ZMYM4: variants seen among roughly 807,000 people sequenced by gnomAD.
The protein encoded by ZMYM4 is zinc finger MYM-type containing 4.
Under a neutral mutation model 183.2 loss-of-function variants are expected in ZMYM4, and 31 were observed. The ratio of observed to expected loss-of-function variants is 0.17; its 90% CI spans 0.13 to 0.23. The LOEUF (loss-of-function observed/expected upper bound fraction) is 0.23, where lower values mean the gene tolerates loss of function less well. Ranked by LOEUF, ZMYM4 falls within the 10% of genes least tolerant of loss-of-function variation. The pLI is 1.00. For synonymous variants in ZMYM4, 592 were observed against 631.2 expected, an observed-to-expected ratio of 0.94 and a Z score of 0.93; for missense variants, 1,273 against 1,840.3, an observed-to-expected ratio of 0.69 and a Z score of 5.64.
intron 2 of ZMYM4, 113 bp from the exon 3 acceptor site, chr1:35,358,812 A>G (rs1167736707): frequency 1.2e-6 from 1 of 830,308 alleles, no homozygotes. Context: ...ATACTATGGT[A>G]ATATCTGTAT....
chr1:35,325,131 G>A (rs1197817260), intron 1 of ZMYM4, among the ~76,000 whole-genome samples: 1 of 152,048 alleles, frequency 6.6e-6, no homozygotes, highest in Non-Finnish European at 1.5e-5. Flanking sequence ...TGTTTATAGT[G>A]AGAGGATGTG....
intron 2 of ZMYM4, among the ~76,000 whole-genome samples, chr1:35,327,615 T>G (rs1274007681): frequency 6.6e-6 from 1 of 152,202 alleles, no homozygotes; most frequent in Non-Finnish European, 1.5e-5. Flanking sequence ...GATTTAGTTA[T>G]TGTGTGTCTT....
intron 15 of ZMYM4, among the ~76,000 whole-genome samples, chr1:35,390,947 G>A (rs1254516945): frequency 6.6e-6 from 1 of 152,164 alleles, no homozygotes; most frequent in African/African-American, 2.4e-5. Flanking sequence ...GTGGGAGGAC[G>A]GCTTGAGGCC....
intron 1 of ZMYM4, among the ~76,000 whole-genome samples, chr1:35,314,390 T>C (rs1452405621): frequency 6.6e-6 from 1 of 151,992 alleles, no homozygotes; most frequent in African/African-American, 2.4e-5. Context: ...GTTCCAGCGA[T>C]TCTCCTGCCT....
intron 13 of ZMYM4, 118 bp downstream of exon 13, chr1:35,387,722 T>TGAATCGAAAAG: frequency 1.9e-6 from 2 of 1,076,624 alleles, no homozygotes; most frequent in Non-Finnish European, 2.6e-6. Context: ...ATAACGTAAA[T>TGAATCGAAAAG]GCCTTTTCGA....
chr1:35,357,491 T>G lies in ZMYM4; in HGVS notation c.86-1434T>G, dbSNP rs144362054. ...GGTATGGTTGCTTCCTGAGTATCCATGTGGACTGAATTAGTATACCTTTGA... is the reference window on the plus strand; with the variant it reads ...GGTATGGTTGCTTCCTGAGTATCCAGGTGGACTGAATTAGTATACCTTTGA... On this transcript the variant is annotated intron_variant, in intron 2 of 29. Transcript: ENST00000314607. 2.7e-3 allele frequency among the ~76,000 whole-genome samples: 413 copies of G among 152,346 alleles called. 1 individual carries two copies. The highest frequency in any genetic ancestry group is 4.6e-3 in the Non-Finnish European group (312 of 68,032).
intron 1 of ZMYM4, among the ~76,000 whole-genome samples, chr1:35,287,584 ATTTAT>A (rs1352897848): frequency 2.0e-5 from 3 of 151,050 alleles, no homozygotes; most frequent in African/African-American, 4.9e-5. Context: ...TATTTTTCCT[ATTTAT>A]TTTATTTTTA....
chr1:35,363,566 C>T (rs1004031389), intron 5 of ZMYM4, among the ~76,000 whole-genome samples: 2 of 152,088 alleles, frequency 1.3e-5, no homozygotes, highest in Admixed American at 1.3e-4. Flanking sequence ...AATTGATGCT[C>T]AGTTAGCATG....
At chr1:35,269,681 C>T (rs891625263) in intron 1 of ZMYM4, among the ~76,000 whole-genome samples, 2 of 152,162 alleles carry the variant, frequency 1.3e-5, no homozygotes, top group African/African-American at 2.4e-5. Context: ...TCTAGCCTAG[C>T]CTCTTACTCG....
intron 2 of ZMYM4, among the ~76,000 whole-genome samples, chr1:35,347,797 C>T (rs1643454180): frequency 6.6e-6 from 1 of 152,124 alleles, no homozygotes; most frequent in South Asian, 2.1e-4. Flanking sequence ...TATTGTGCTT[C>T]TGCAATTATT....
At chr1:35,384,265 G>A (rs559821970) in intron 9 of ZMYM4, among the ~76,000 whole-genome samples, 6 of 152,268 alleles carry the variant, frequency 3.9e-5, no homozygotes, top group African/African-American at 1.2e-4. Flanking sequence ...AATGAGGTTT[G>A]CTTTTACAGT....
chr1:35,292,119 A>C (rs370153722), intron 1 of ZMYM4: 10 of 152,326 alleles, frequency 6.6e-5, no homozygotes, highest in African/African-American at 2.4e-4. Flanking sequence ...ATTTTCTAGA[A>C]ATCAGCAGAT....
chr1:35,309,162 A>G (rs562160662), intron 1 of ZMYM4: 1 of 497,400 alleles, frequency 2.0e-6, no homozygotes, highest in African/African-American at 2.1e-5. Flanking sequence ...AACTGTTGAC[A>G]TTTTATAATA....
chr1:35,393,750 TG>T lies in ZMYM4; in HGVS notation c.2911+13del. The T allele has an allele frequency of 6.4e-7, 1 of 1,571,802 alleles. No homozygotes were observed. Among genetic ancestry groups the T allele is most frequent in the Non-Finnish European group, 8.6e-7 (1 of 1,162,710 alleles). On this transcript the variant is annotated intron_variant, in intron 18 of 29. Transcript: ENST00000314607. ...AAGAATGCCAGACAGGTATGTTCCT[TG>T]GTCTTTCTTTCTTTATTAATTTTTT...
chr1:35,399,887 A>G (rs929195460), intron 23 of ZMYM4: 1 of 212,680 alleles, frequency 4.7e-6, no homozygotes, highest in Non-Finnish European at 9.5e-6. Flanking sequence ...ACATGTTATA[A>G]TACTGAGTAC....
intron 1 of ZMYM4, among the ~76,000 whole-genome samples, chr1:35,292,873 G>T (rs181522267): frequency 6.6e-6 from 1 of 152,150 alleles, no homozygotes; most frequent in Non-Finnish European, 1.5e-5. Context: ...CCGCCTTCCC[G>T]CCTTTACAGT....
chr1:35,391,968 G>T (rs746039207), intron 15 of ZMYM4, among the ~76,000 whole-genome samples: 8 of 152,144 alleles, frequency 5.3e-5, no homozygotes, highest in Admixed American at 1.3e-4. Flanking sequence ...TTGAACCCGG[G>T]AGGTGGAGGT....
At chr1:35,279,792 C>T (rs1209823653) in intron 1 of ZMYM4, among the ~76,000 whole-genome samples, 1 of 152,206 alleles carries the variant, frequency 6.6e-6, no homozygotes, top group African/African-American at 2.4e-5. Flanking sequence ...GCTCACCTTT[C>T]TTCCAGTTCC....
At chr1:35,335,549 A>G (rs1385107604) in intron 2 of ZMYM4, among the ~76,000 whole-genome samples, 1 of 151,940 alleles carries the variant, frequency 6.6e-6, no homozygotes, top group African/African-American at 2.4e-5. Flanking sequence ...CTCATTGCGT[A>G]TTTCTGAGAT....
Sources: gnomAD v4.1 joint callset for allele counts (sites outside exome capture counted in the v4.1 genomes callset) on GRCh38, gnomAD v4.1.1 for gene constraint, MANE v1.5 for transcripts, NCBI Gene and HGNC (gene_info 2026-07-23, HGNC 2026-07-21) for gene names.